SPTAN1: variants seen among roughly 807,000 people sequenced by gnomAD.
SPTAN1 encodes the protein spectrin alpha chain, non-erythrocytic 1.
Under a neutral mutation model 331.3 loss-of-function variants are expected in SPTAN1, and 61 were observed. The observed-to-expected ratio is 0.18, with a 90% confidence interval of 0.15 to 0.23. The LOEUF (loss-of-function observed/expected upper bound fraction) is 0.23, where lower values mean the gene tolerates loss of function less well. SPTAN1 is among the 10% of genes least tolerant of loss of function. The pLI is 1.00. For missense variants in SPTAN1, 2,043 were observed against 3,147.9 expected (o/e 0.65, Z 8.40); for synonymous variants, 1,153 against 1,173.9 (o/e 0.98, Z 0.36).
intron 12 of SPTAN1, 153 bp downstream of exon 12, chr9:128,582,045 G>A (rs1053389301): frequency 5.8e-6 from 4 of 688,754 alleles, no homozygotes; most frequent in East Asian, 2.7e-5. Flanking sequence ...ATGCTATCTC[G>A]TTGAAGACAT....
At chr9:128,556,672 G>A (rs565885424) in intron 1 of SPTAN1, among the ~76,000 whole-genome samples, 4 of 152,320 alleles carry the variant, frequency 2.6e-5, no homozygotes, top group East Asian at 3.9e-4. Context: ...GCAAAATTGC[G>A]CTAACAAGTT....
At chr9:128,587,779 G>A (rs1852849179) in intron 20 of SPTAN1, 81 bp downstream of exon 20, 2 of 1,124,838 alleles carry the variant, frequency 1.8e-6, no homozygotes, top group Non-Finnish European at 2.7e-6. Context: ...CCTATCATAG[G>A]CCCCATTTGA....
chr9:128,562,451 C>T (rs1225218576), intron 1 of SPTAN1, among the ~76,000 whole-genome samples: 1 of 152,056 alleles, frequency 6.6e-6, no homozygotes, highest in Non-Finnish European at 1.5e-5. Context: ...GAGGAGAGTG[C>T]ACTCCTGGGA....
chr9:128,560,814 C>T (rs866878263), intron 1 of SPTAN1, among the ~76,000 whole-genome samples: 77 of 147,132 alleles, frequency 5.2e-4, no homozygotes, highest in Admixed American at 2.2e-3. Flanking sequence ...GAGGTCAGTT[C>T]GAGACCAGTC....
At position 128,618,123 on chromosome 9, in the gene SPTAN1, G is replaced by T. The variant is rs2131800720; in HGVS notation, c.5600+15G>T. The T allele has an allele frequency of 1.2e-6, 2 of 1,612,616 alleles. No homozygotes were observed. Among genetic ancestry groups the T allele is most frequent in the Non-Finnish European group, 1.7e-6 (2 of 1,179,774 alleles). On this transcript the variant is annotated intron_variant, in intron 43 of 56. Transcript: ENST00000372739. ...GCAGCTGCCCGGTGAGTAGTCAGAG[G>T]CAGGAGCTCCCGGGAACAAGTGGAA...
chr9:128,582,374 T>TG, intron 12 of SPTAN1, 105 bp from the exon 13 acceptor site: 1 of 995,712 alleles, frequency 1.0e-6, no homozygotes, highest in Non-Finnish European at 1.6e-6. Flanking sequence ...TGACCTATGT[T>TG]AAAGTTTGGT....
At chr9:128,626,877 CT>C in intron 49 of SPTAN1, 190 bp downstream of exon 49, 1 of 693,252 alleles carries the variant, frequency 1.4e-6, no homozygotes, top group Non-Finnish European at 2.5e-6. Context: ...TGCAGTGGTG[CT>C]ACCATGGCTC....
rs548689317 is a variant in SPTAN1, at chr9:128,605,221, C to G, written c.3864+43C>G. 29 of 1,614,012 alleles carry G rather than the reference C, an allele frequency of 1.8e-5. 1 individual carries two copies. In the South Asian group the frequency reaches 3.0e-4, roughly 17 times the overall value. Reference sequence around the variant, plus strand: ...CATCTTCTGTCTGGCATTTTTGCCCCAGAAAGAGCAGAGTCTTCTGTTCTG... The same window carrying G: ...CATCTTCTGTCTGGCATTTTTGCCCGAGAAAGAGCAGAGTCTTCTGTTCTG... On this transcript the variant is annotated intron_variant, in intron 30 of 56. Coordinates refer to ENST00000372739, the MANE Select transcript of SPTAN1 (RefSeq NM_001130438.3).
At chr9:128,565,398 T>C (rs1234882015) in intron 1 of SPTAN1, among the ~76,000 whole-genome samples, 3 of 152,218 alleles carry the variant, frequency 2.0e-5, no homozygotes, top group African/African-American at 4.8e-5. Context: ...GGAAAAACAA[T>C]AATACAACAA....
chr9:128,585,703 T>G, intron 18 of SPTAN1, 45 bp from the exon 19 acceptor site: 1 of 1,494,576 alleles, frequency 6.7e-7, no homozygotes, highest in Non-Finnish European at 9.3e-7. Context: ...TTCTGTGATG[T>G]GTCAACGTAG....
intron 52 of SPTAN1, among the ~76,000 whole-genome samples, chr9:128,630,996 A>G (rs1859631183): frequency 6.6e-6 from 1 of 152,060 alleles, no homozygotes; most frequent in Admixed American, 6.5e-5. Context: ...AGCGTGAGCC[A>G]CCACATCTGG....
chr9:128,619,126 C>T, intron 44 of SPTAN1, 123 bp downstream of exon 44: 1 of 1,430,560 alleles, frequency 7.0e-7, no homozygotes, highest in African/African-American at 1.4e-5. Context: ...GGCCAGCAGC[C>T]AAGGCCTCAG....
intron 28 of SPTAN1, 46 bp from the exon 29 acceptor site, chr9:128,604,280 G>T (rs763685096): frequency 3.8e-6 from 6 of 1,588,954 alleles, no homozygotes; most frequent in South Asian, 1.1e-5. Flanking sequence ...CTGGGGGCAT[G>T]ACAGGAGAGG....
At chr9:128,571,837 C>T (rs1422740407) in intron 3 of SPTAN1, among the ~76,000 whole-genome samples, 1 of 152,046 alleles carries the variant, frequency 6.6e-6, no homozygotes, top group Non-Finnish European at 1.5e-5. Flanking sequence ...TTTGTCCAGT[C>T]ACCACTATTT....
chr9:128,631,191 C>T (rs937864729), intron 52 of SPTAN1, among the ~76,000 whole-genome samples: 2 of 151,714 alleles, frequency 1.3e-5, no homozygotes, highest in South Asian at 2.1e-4. Flanking sequence ...GGTGTGGTGA[C>T]TTACACCTGT....
intron 1 of SPTAN1, among the ~76,000 whole-genome samples, chr9:128,560,470 T>TC (rs1220958643): frequency 1.3e-5 from 2 of 150,168 alleles, no homozygotes; most frequent in African/African-American, 4.9e-5. Context: ...AAACTCCGCC[T>TC]CCCAGGCTCA....
In SPTAN1 at chr9:128,617,868, C is replaced by T. The variant is rs1262725623; in HGVS notation, c.5478+108C>T. ...ACTGAGGTCCCTAAAGTGTTCATGA[C>T]CCCTCAGTCCAAACCTGGAGAAGTC... On this transcript the variant is annotated intron_variant, in intron 42 of 56. Transcript: ENST00000372739. 4.3e-6 allele frequency: 7 copies of T among 1,611,496 alleles called. No individual in the cohort carries two copies. In the Admixed American group the frequency reaches 5.0e-5, roughly 12 times the overall value.
rs1850108886 is a variant in SPTAN1, at chr9:128,566,992, C to CT, written c.237+16dup. On this transcript the variant is annotated intron_variant, in intron 2 of 56. Transcript: ENST00000372739. ...CCAACTTGCAGGTACGTCTGATCTC[C>CT]TGGGATTCCTGCCAAAATTCAAGAG... 6.2e-7 allele frequency: 1 copy of CT among 1,613,568 alleles called. No individual in the cohort carries two copies. The highest frequency in any genetic ancestry group is 8.5e-7 in the Non-Finnish European group (1 of 1,180,024).
intron 1 of SPTAN1, among the ~76,000 whole-genome samples, chr9:128,562,931 C>T (rs1849546668): frequency 1.3e-5 from 2 of 148,730 alleles, no homozygotes; most frequent in Admixed American, 6.8e-5. Flanking sequence ...CGCCACTGCA[C>T]TCCAGCCTGG....
Sources: allele counts gnomAD v4.1 joint callset (sites outside exome capture counted in the v4.1 genomes callset), GRCh38; gene constraint gnomAD v4.1.1; transcripts MANE v1.5; gene names NCBI Gene and HGNC (gene_info 2026-07-23, HGNC 2026-07-21).